Variants in RIMKLB observed in about 807,000 individuals in gnomAD.
RIMKLB encodes the protein ribosomal modification protein rimK like family member B.
A neutral mutation model predicts 32.0 loss-of-function variants in RIMKLB; 7 were observed. That is an observed-to-expected ratio of 0.22 (90% CI 0.12 to 0.41). RIMKLB has a LOEUF of 0.41. RIMKLB is among the 10% of genes least tolerant of loss of function. The pLI is 1.00. For missense variants in RIMKLB, 289 were observed against 498.7 expected, an observed-to-expected ratio of 0.58 and a Z score of 4.00; for synonymous variants, 172 against 185.1, an observed-to-expected ratio of 0.93 and a Z score of 0.57.
chr12:8,771,873 G>A (rs1950433751), intron 5 of RIMKLB, among the ~76,000 whole-genome samples: 1 of 151,810 alleles, frequency 6.6e-6, no homozygotes, highest in South Asian at 2.1e-4. Flanking sequence ...CTCCAGTTTT[G>A]TTTTTGTTTT....
At chr12:8,697,979 T>TCGCG (rs746681662), upstream of RIMKLB, 2,113 of 154,340 alleles carry the variant, frequency 0.014, 17 homozygotes, top group Middle Eastern at 0.039. Flanking sequence ...GTGAGCGGGG[T>TCGCG]CGCGCGCGCG....
chr12:8,759,783 G>T (rs750978027), intron 5 of RIMKLB, among the ~76,000 whole-genome samples: 4 of 152,146 alleles, frequency 2.6e-5, no homozygotes, highest in Non-Finnish European at 5.9e-5. Context: ...AATAAGGATT[G>T]CAGTGATTTC....
rs772554836 is a variant in RIMKLB, at chr12:8,702,260, ATCTG to A, written c.-57+3967_-57+3970del. On this transcript the variant is annotated intron_variant, in intron 1 of 5. Transcript: ENST00000535829. The stretch of plus-strand genomic sequence containing the variant: ...AATTTTGGTAATCTCTGTATTTTTT[ATCTG>A]TCTATCAGTTATCCGAGCAGTGTCT... Among the ~76,000 whole-genome samples, 25 of 152,280 alleles carry A rather than the reference ATCTG, an allele frequency of 1.6e-4. No homozygotes were observed. The East Asian group carries it at 3.7e-3, about 22-fold the overall frequency.
chr12:8,778,309 TTCTC>T (rs991991682), downstream of RIMKLB, among the ~76,000 whole-genome samples: 1 of 152,230 alleles, frequency 6.6e-6, no homozygotes, highest in African/African-American at 2.4e-5. Context: ...ACCTTAGTGC[TTCTC>T]TCTGTGACTT....
chr12:8,772,135 T>G (rs1950458461), intron 5 of RIMKLB, among the ~76,000 whole-genome samples: 1 of 152,180 alleles, frequency 6.6e-6, no homozygotes, highest in Non-Finnish European at 1.5e-5. Context: ...GTGATCCACC[T>G]CAGCCTCCCA....
At chr12:8,739,685 G>A (rs1210535131) in intron 2 of RIMKLB, among the ~76,000 whole-genome samples, 3 of 152,146 alleles carry the variant, frequency 2.0e-5, no homozygotes, top group Non-Finnish European at 2.9e-5. Context: ...TGTTGCTCAG[G>A]ATGATCTTGA....
At chr12:8,673,031 G>A in the RIMKLB span, among the ~76,000 whole-genome samples, 9 of 152,190 alleles carry the variant, frequency 5.9e-5, no homozygotes, top group South Asian at 2.1e-4. Flanking sequence ...ACAGGTGCCC[G>A]CCACCATGCC....
At chr12:8,692,727 A>C (rs1358620233), upstream of RIMKLB, among the ~76,000 whole-genome samples, 3 of 152,196 alleles carry the variant, frequency 2.0e-5, no homozygotes, top group Non-Finnish European at 4.4e-5. Flanking sequence ...GGAGCAGGGA[A>C]AAGGAGGAGG....
intron 2 of RIMKLB, among the ~76,000 whole-genome samples, chr12:8,722,684 T>TGAA (rs1945576027): frequency 6.6e-6 from 1 of 152,226 alleles, no homozygotes; most frequent in Non-Finnish European, 1.5e-5. Context: ...AAAAGGCTGT[T>TGAA]TTGTCTACAT....
At chr12:8,769,092 AC>A (rs1950200161) in intron 5 of RIMKLB, among the ~76,000 whole-genome samples, 1 of 152,214 alleles carries the variant, frequency 6.6e-6, no homozygotes, top group Non-Finnish European at 1.5e-5. Context: ...AGGTATTAAT[AC>A]AAAGCATTTT....
intron 2 of RIMKLB, among the ~76,000 whole-genome samples, chr12:8,725,311 T>C (rs1307408683): frequency 6.6e-6 from 1 of 152,194 alleles, no homozygotes; most frequent in Non-Finnish European, 1.5e-5. Flanking sequence ...GGAGTCTTGC[T>C]CTGTTGCCCA....
At chr12:8,740,817 A>G (rs1947435691) in intron 2 of RIMKLB, among the ~76,000 whole-genome samples, 1 of 152,206 alleles carries the variant, frequency 6.6e-6, no homozygotes, top group Admixed American at 6.5e-5. Context: ...TCATGCCCAT[A>G]ATCCCAGCAC....
intron 1 of RIMKLB, among the ~76,000 whole-genome samples, chr12:8,689,102 C>T (rs1367354042): frequency 6.6e-6 from 1 of 152,242 alleles, no homozygotes; most frequent in Admixed American, 6.5e-5. Flanking sequence ...TCCAAAAGTG[C>T]TGGGATTACA....
rs1251463767 is a variant in RIMKLB, at chr12:8,754,920, G to A, written c.697+827G>A. ...TCCTCCTGCTTCAGCCTCCTAAGTA[G>A]CCGAGACCACAGGCACATGCCACCA... is the stretch of plus-strand genomic sequence containing the variant. On this transcript the variant is annotated intron_variant, in intron 5 of 5. Transcript: ENST00000535829. Among the ~76,000 whole-genome samples the A allele has an allele frequency of 1.3e-5, 2 of 151,996 alleles. 1 individual carries two copies. Among genetic ancestry groups the A allele is most frequent in the Non-Finnish European group, 2.9e-5 (2 of 68,006 alleles).
intron 4 of RIMKLB, 82 bp downstream of exon 4, chr12:8,752,125 G>C: frequency 1.1e-6 from 1 of 902,622 alleles, no homozygotes; most frequent in East Asian, 2.5e-5. Flanking sequence ...AGAATAGTTA[G>C]AGGGAAATTG....
intron 2 of RIMKLB, among the ~76,000 whole-genome samples, chr12:8,715,764 T>C (rs2136988342): frequency 6.6e-6 from 1 of 152,334 alleles, no homozygotes; most frequent in Middle Eastern, 3.4e-3. Context: ...TTCTAAAGGA[T>C]GAGGTCAACA....
At chr12:8,724,251 G>A (rs982783958) in intron 2 of RIMKLB, among the ~76,000 whole-genome samples, 4 of 151,996 alleles carry the variant, frequency 2.6e-5, no homozygotes, top group Non-Finnish European at 4.4e-5. Context: ...TGTAAAATTC[G>A]TTTGATTTTT....
intron 5 of RIMKLB, among the ~76,000 whole-genome samples, chr12:8,756,959 C>G (rs1235773307): frequency 6.6e-6 from 1 of 152,040 alleles, no homozygotes; most frequent in African/African-American, 2.4e-5. Flanking sequence ...TGGAAGCCAC[C>G]AGGTGTGAGC....
rs762796823 is a variant in RIMKLB at position 8,754,078 on chromosome 12, A to G, written c.682A>G (p.Ser228Gly). 1 of 1,612,954 alleles carries G rather than the reference A, an allele frequency of 6.2e-7. No homozygotes were observed. Among genetic ancestry groups the G allele is most frequent in the Non-Finnish European group, 8.5e-7 (1 of 1,178,894 alleles). ...LRCSTDGRMQ[S>G]NCSLGGVGMM... is the part of the protein sequence containing the mutation. ...TTGTTCAACAGATGGGAGAATGCAA[A>G]GCAACTGCTCATTAGGTAAAAATAA... The change falls in exon 5 of 6, where the codon AGC becomes GGC. Residue 228 changes from serine (S) to glycine (G), a missense_variant. This residue lies in a region of RIMKLB where 156 missense variants were observed against 329.5 expected (regional missense o/e 0.47). Transcript: ENST00000535829.
Sources: allele counts gnomAD v4.1 joint callset (sites outside exome capture counted in the v4.1 genomes callset), GRCh38; gene constraint gnomAD v4.1.1; regional missense constraint gnomAD v4.1.1; transcripts MANE v1.5; gene names NCBI Gene and HGNC (gene_info 2026-07-23, HGNC 2026-07-21).